Variants in ATP11A observed in about 807,000 individuals in gnomAD.
ATP11A encodes the protein phospholipid-transporting ATPase IH.
A neutral mutation model predicts 154.4 loss-of-function variants in ATP11A; 81 were observed. That is an observed-to-expected ratio of 0.52 (90% CI 0.44 to 0.63). The LOEUF (loss-of-function observed/expected upper bound fraction) is 0.63, where lower values mean the gene tolerates loss of function less well. Among genes scored for constraint, ATP11A ranks in the 30% least tolerant of loss-of-function variants. ATP11A has a pLI of 0.00. For synonymous variants in ATP11A, 623 were observed against 585.9 expected, an observed-to-expected ratio of 1.06 and a Z score of -0.91; for missense variants, 1,316 against 1,474.3, an observed-to-expected ratio of 0.89 and a Z score of 1.76.
chr13:112,856,181 T>TG, intron 20 of ATP11A, 96 bp downstream of exon 20: 28 of 1,244,462 alleles, frequency 2.2e-5, no homozygotes, highest in Non-Finnish European at 3.0e-5. Flanking sequence ...TTAAACAATC[T>TG]AGCAGGGTAC....
At chr13:112,776,077 C>T (rs2077341662) in intron 1 of ATP11A, among the ~76,000 whole-genome samples, 1 of 152,240 alleles carries the variant, frequency 6.6e-6, no homozygotes, top group African/African-American at 2.4e-5. Context: ...GGCTGACCTG[C>T]AGGCTCGGAG....
chr13:112,833,549 C>A (rs988461901), intron 14 of ATP11A, among the ~76,000 whole-genome samples: 6 of 152,168 alleles, frequency 3.9e-5, no homozygotes, highest in African/African-American at 7.2e-5. Flanking sequence ...TCAAATCCAT[C>A]CAGCTCATGA....
intron 2 of ATP11A, among the ~76,000 whole-genome samples, chr13:112,797,828 G>C (rs1310035857): frequency 6.6e-6 from 1 of 152,206 alleles, no homozygotes; most frequent in Non-Finnish European, 1.5e-5. Flanking sequence ...GGTCTACTTA[G>C]GAAAGAAGAA....
At chr13:112,866,492 G>A (rs973634422) in intron 25 of ATP11A, among the ~76,000 whole-genome samples, 8 of 151,402 alleles carry the variant, frequency 5.3e-5, no homozygotes, top group Admixed American at 1.3e-4. Flanking sequence ...TGGGAGGCCC[G>A]GTGGGGCCCT....
chr13:112,716,058 T>G (rs991753259), intron 1 of ATP11A, among the ~76,000 whole-genome samples: 2 of 151,708 alleles, frequency 1.3e-5, no homozygotes, highest in Non-Finnish European at 2.9e-5. Context: ...GCCTGGACTT[T>G]GAGAATTGGA....
intron 4 of ATP11A, among the ~76,000 whole-genome samples, chr13:112,810,037 C>A (rs1437491215): frequency 6.6e-6 from 1 of 152,180 alleles, no homozygotes; most frequent in Non-Finnish European, 1.5e-5. Flanking sequence ...TACTCAGATG[C>A]GGAAACGCAC....
chr13:112,742,896 G>A (rs908719915), intron 1 of ATP11A, among the ~76,000 whole-genome samples: 6 of 152,194 alleles, frequency 3.9e-5, no homozygotes, highest in Non-Finnish European at 7.3e-5. Flanking sequence ...ATAGACACCT[G>A]TTTTTCCTTA....
chr13:112,711,317 C>T (rs1887722737), intron 1 of ATP11A, among the ~76,000 whole-genome samples: 2 of 152,158 alleles, frequency 1.3e-5, no homozygotes, highest in Admixed American at 1.3e-4. Context: ...AAACTAAAAG[C>T]TGGGCCAGGT....
In ATP11A at chr13:112,754,930, T is replaced by A. The variant is rs1322167535; in HGVS notation, c.40-30205T>A. Among the ~76,000 whole-genome samples, 2 of 152,184 alleles carry A rather than the reference T, an allele frequency of 1.3e-5. No homozygotes were observed. The highest frequency in any genetic ancestry group is 2.9e-5 in the Non-Finnish European group (2 of 68,014). The stretch of plus-strand genomic sequence containing the variant: ...CCTGCACTTGCCCCTCCCGAGCGCG[T>A]GTGCCTGACCTGCTCCGCGGTGGGC... On this transcript the variant is annotated intron_variant, in intron 1 of 29. Coordinates refer to ENST00000375645, the MANE Select transcript of ATP11A (RefSeq NM_015205.3). The surrounding 1 kb of genome is among the most constrained non-coding windows in gnomAD (Gnocchi z 5.3).
Position 112,794,983 on chromosome 13 carries a change from C to T in ATP11A, c.162+9726C>T, listed in dbSNP as rs188845490. 1.9e-3 allele frequency among the ~76,000 whole-genome samples: 292 copies of T among 152,328 alleles called. 2 individuals are homozygous for T. The highest frequency in any genetic ancestry group is 6.4e-3 in the African/African-American group (268 of 41,564). ...GCCCTGCCAGGTGCGGTGGCTCACG[C>T]CTGTAATTCCAGCACTTTGGGAGGC... On this transcript the variant is annotated intron_variant, in intron 2 of 29. Transcript: ENST00000375645.
chr13:112,770,499 A>G (rs570438019), intron 1 of ATP11A, among the ~76,000 whole-genome samples: 4 of 152,350 alleles, frequency 2.6e-5, no homozygotes, highest in African/African-American at 9.6e-5. Context: ...GTCCCAGCAG[A>G]TGCCAGTGGC....
At chr13:112,835,923 G>C (rs1311634551) in intron 15 of ATP11A, among the ~76,000 whole-genome samples, 4 of 152,232 alleles carry the variant, frequency 2.6e-5, no homozygotes, top group African/African-American at 4.8e-5. Flanking sequence ...GCCCTGGGTA[G>C]GATGGGGACG....
At chr13:112,752,993 G>C (rs1337196132) in intron 1 of ATP11A, among the ~76,000 whole-genome samples, 1 of 152,230 alleles carries the variant, frequency 6.6e-6, no homozygotes, top group Non-Finnish European at 1.5e-5. Flanking sequence ...GCCCACAGGT[G>C]AGTTAACAGG....
intron 12 of ATP11A, among the ~76,000 whole-genome samples, chr13:112,830,932 A>C (rs422849): frequency 2.0e-5 from 3 of 151,862 alleles, no homozygotes; most frequent in Non-Finnish European, 4.4e-5. Context: ...TTTGACCTCC[A>C]AGACTGTATA....
At chr13:112,816,759 C>G (rs1024804882) in intron 6 of ATP11A, among the ~76,000 whole-genome samples, 3 of 152,154 alleles carry the variant, frequency 2.0e-5, no homozygotes, top group Non-Finnish European at 4.4e-5. Context: ...TCTTTCCAGT[C>G]TCAATGTCTG....
In ATP11A at chr13:112,838,735, C is replaced by G. The variant is rs2140277726; in HGVS notation, c.1705+2484C>G. Reference sequence around the variant, plus strand: ...CCGCACTGGGACGCCTGTGGACCTCCTAGGGCCTCTCCAAGGAACTGAGAG... The same window carrying G: ...CCGCACTGGGACGCCTGTGGACCTCGTAGGGCCTCTCCAAGGAACTGAGAG... On this transcript the variant is annotated intron_variant, in intron 16 of 29. Transcript: ENST00000375645. This position sits in a 1 kb window ranked among gnomAD's most constrained non-coding sequence, Gnocchi z 7.3. Among the ~76,000 whole-genome samples, 1 of 152,254 alleles carries G rather than the reference C, an allele frequency of 6.6e-6. No homozygotes were observed. The highest frequency in any genetic ancestry group is 2.1e-4 in the South Asian group (1 of 4,828).
At chr13:112,758,631 G>T (rs1217408334) in intron 1 of ATP11A, among the ~76,000 whole-genome samples, 1 of 151,754 alleles carries the variant, frequency 6.6e-6, no homozygotes, top group Non-Finnish European at 1.5e-5. Context: ...CACCGTGTTA[G>T]CCAGGATGGT....
At position 112,769,001 on chromosome 13, in the gene ATP11A, C is replaced by T. The variant is rs139635714; in HGVS notation, c.40-16134C>T. On this transcript the variant is annotated intron_variant, in intron 1 of 29. Transcript: ENST00000375645. ...GACGTTAGTAACTGTGAAGGTGTGA[C>T]CCATGGTGGAAAGTTGGTTATGTCT... Among the ~76,000 whole-genome samples, 1,178 of 152,148 alleles carry T rather than the reference C, an allele frequency of 7.7e-3. 12 individuals carry two copies. Among genetic ancestry groups the T allele is most frequent in the African/African-American group, 0.026 (1,070 of 41,472 alleles).
At chr13:112,719,933 C>G (rs1478784293) in intron 1 of ATP11A, among the ~76,000 whole-genome samples, 1 of 152,200 alleles carries the variant, frequency 6.6e-6, no homozygotes, top group African/African-American at 2.4e-5. Context: ...TCTGGAAATT[C>G]AGCCTAAGAA....
Sources: allele counts gnomAD v4.1 joint callset (sites outside exome capture counted in the v4.1 genomes callset), GRCh38; gene constraint gnomAD v4.1.1; non-coding constraint Gnocchi (gnomAD v3.1); transcripts MANE v1.5; gene names NCBI Gene and HGNC (gene_info 2026-07-23, HGNC 2026-07-21).